The following KCNU1 variants were observed in gnomAD, a reference collection of about 807,000 sequenced individuals.
KCNU1 encodes the protein potassium channel subfamily U member 1.
A neutral mutation model predicts 126.8 loss-of-function variants in KCNU1; 93 were observed. The observed-to-expected ratio is 0.73, with a 90% CI of 0.62 to 0.87. The LOEUF is 0.87. Among genes scored for constraint, KCNU1 ranks in the 40% least tolerant of loss-of-function variants. KCNU1 has a pLI of 0.00. For missense variants in KCNU1, 1,330 were observed against 1,367.1 expected (o/e 0.97, Z 0.43); for synonymous variants, 523 against 494.2 (o/e 1.06, Z -0.77).
At chr8:36,856,923 T>G (rs1162577919) in intron 18 of KCNU1, among the ~76,000 whole-genome samples, 9 of 152,218 alleles carry the variant, frequency 5.9e-5, no homozygotes, top group African/African-American at 1.9e-4. Context: ...AAAATCACTG[T>G]TGTCAAAAAG....
chr8:36,791,737 T>A (rs1802910122), intron 2 of KCNU1, among the ~76,000 whole-genome samples: 4 of 152,152 alleles, frequency 2.6e-5, no homozygotes, highest in African/African-American at 9.7e-5. Context: ...CTCATTTTCC[T>A]AATGTAATGC....
At chr8:36,902,060 T>C (rs1807440754) in intron 19 of KCNU1, among the ~76,000 whole-genome samples, 1 of 152,182 alleles carries the variant, frequency 6.6e-6, no homozygotes, top group Non-Finnish European at 1.5e-5. Flanking sequence ...GCAAAGCATA[T>C]GGCAGAACGG....
At chr8:36,829,252 T>G (rs993296397) in intron 10 of KCNU1, among the ~76,000 whole-genome samples, 5 of 152,082 alleles carry the variant, frequency 3.3e-5, no homozygotes, top group Middle Eastern at 3.2e-3. Flanking sequence ...TATCTTCTGA[T>G]GCTTAAAAGT....
chr8:36,935,832 C>T lies in KCNU1; in HGVS notation c.3362C>T (p.Pro1121Leu), dbSNP rs775599941. The change falls in exon 27 of 27, where the codon CCT (proline) becomes CTT (leucine). Residue 1121 changes from proline (P) to leucine (L), a missense_variant. Transcript: ENST00000399881. ...RTNSIISSQI[P>L]LGDNAKENER... The stretch of plus-strand genomic sequence containing the variant: ...AACAGTATTATATCATCTCAGATAC[C>T]TTTAGGTGACAATGCAAAAGAAAAT... 7.5e-5 allele frequency: 121 copies of T among 1,611,932 alleles called. No homozygotes were observed. The highest frequency in any genetic ancestry group is 1.7e-4 in the Middle Eastern group (1 of 6,044).
chr8:36,908,154 C>T (rs1402923915), intron 20 of KCNU1, among the ~76,000 whole-genome samples: 1 of 152,138 alleles, frequency 6.6e-6, no homozygotes, highest in Non-Finnish European at 1.5e-5. Context: ...TAGCCATACT[C>T]TGAAAGAAAC....
chr8:36,902,170 T>A (rs1163411644), intron 19 of KCNU1, among the ~76,000 whole-genome samples: 1 of 152,120 alleles, frequency 6.6e-6, no homozygotes, highest in Non-Finnish European at 1.5e-5. Context: ...CCTCCAGCAT[T>A]TTTTAAATAT....
chr8:36,853,831 T>A (rs558301766), intron 18 of KCNU1, among the ~76,000 whole-genome samples: 2 of 152,290 alleles, frequency 1.3e-5, no homozygotes, highest in South Asian at 4.1e-4. Context: ...TTTCTTCCTG[T>A]GGATTTGAAT....
At chr8:36,802,108 CAAAAA>C (rs749026223) in intron 2 of KCNU1, among the ~76,000 whole-genome samples, 18 of 72,358 alleles carry the variant, frequency 2.5e-4, no homozygotes, top group African/African-American at 7.1e-4. Flanking sequence ...AACTCCGTCT[CAAAAA>C]AAAAAAAAAA....
chr8:36,802,869 T>C (rs1803362760), intron 2 of KCNU1, among the ~76,000 whole-genome samples: 1 of 152,176 alleles, frequency 6.6e-6, no homozygotes, highest in African/African-American at 2.4e-5. Context: ...TTTGTGTATA[T>C]TGATCACTGA....
At chr8:36,792,557 C>A (rs1765683577) in intron 2 of KCNU1, among the ~76,000 whole-genome samples, 1 of 152,194 alleles carries the variant, frequency 6.6e-6, no homozygotes, top group Non-Finnish European at 1.5e-5. Flanking sequence ...AAGCTGCGAA[C>A]TCCACATGCT....
intron 10 of KCNU1, among the ~76,000 whole-genome samples, chr8:36,830,961 A>G (rs1274801345): frequency 4.0e-5 from 5 of 125,598 alleles, no homozygotes; most frequent in Non-Finnish European, 7.9e-5. Context: ...TCCTGTGTCC[A>G]TGTGTTCTCA....
Position 36,836,843 on chromosome 8 carries a change from C to T in KCNU1, c.1416C>T (p.Ile472=), listed in dbSNP as rs367679030. ...PSWNWDTGDN[I]ICFAELKLGF... ...GGAACTGGGACACCGGAGACAACAT[C>T]ATCTGCTTTGCTGAATTAAAACTTG... Residue 472 remains isoleucine, a synonymous_variant, in exon 14 of 27, where the codon ATC becomes ATT. Coordinates refer to ENST00000399881, the MANE Select transcript of KCNU1 (RefSeq NM_001031836.3). The T allele has an allele frequency of 3.3e-5, 54 of 1,613,660 alleles. No individual in the cohort carries two copies. The highest frequency in any genetic ancestry group is 4.5e-5 in the Non-Finnish European group (53 of 1,179,730).
chr8:36,829,099 T>C (rs1221814280), intron 10 of KCNU1, among the ~76,000 whole-genome samples: 1 of 152,040 alleles, frequency 6.6e-6, no homozygotes, highest in East Asian at 1.9e-4. Flanking sequence ...TGCCTATTTA[T>C]TTTTTTACTT....
intron 18 of KCNU1, among the ~76,000 whole-genome samples, chr8:36,848,326 T>C (rs988770417): frequency 6.6e-6 from 1 of 152,226 alleles, no homozygotes; most frequent in Non-Finnish European, 1.5e-5. Context: ...TTGGTTTTGT[T>C]CCCTGTGCTT....
rs373849614 is a variant in KCNU1 at position 36,935,716 on chromosome 8, T to C, written c.3246T>C (p.Thr1082=). 6.2e-7 allele frequency: 1 copy of C among 1,612,944 alleles called. No individual in the cohort carries two copies. Among genetic ancestry groups the C allele is most frequent in the African/African-American group, 1.3e-5 (1 of 74,900 alleles). The change falls in exon 27 of 27, where the codon ACT becomes ACC. Residue 1082 remains threonine, a synonymous_variant. Transcript: ENST00000399881. ...GTCCTCCCACCATTGATTCAGTTAC[T>C]GAGACATTGTATTCACCAGTCTATT... ...TNCPPTIDSV[T]ETLYSPVYSY...
At chr8:36,850,266 T>C (rs907525351) in intron 18 of KCNU1, among the ~76,000 whole-genome samples, 5 of 152,216 alleles carry the variant, frequency 3.3e-5, no homozygotes, top group African/African-American at 1.2e-4. Context: ...GTTTTGCTTT[T>C]CATTTTTGTT....
At chr8:36,874,818 T>C (rs1585494215) in intron 19 of KCNU1, among the ~76,000 whole-genome samples, 1 of 152,124 alleles carries the variant, frequency 6.6e-6, no homozygotes, top group South Asian at 2.1e-4. Flanking sequence ...GGGAAAACCT[T>C]TCTTACCGAG....
intron 10 of KCNU1, among the ~76,000 whole-genome samples, chr8:36,831,488 T>C (rs1804544994): frequency 6.6e-6 from 1 of 152,208 alleles, no homozygotes; most frequent in Non-Finnish European, 1.5e-5. Flanking sequence ...GTGGTTTGGA[T>C]TTGCATTTCT....
chr8:36,821,413 C>T (rs767403790), intron 10 of KCNU1, among the ~76,000 whole-genome samples: 4 of 152,162 alleles, frequency 2.6e-5, no homozygotes, highest in Admixed American at 6.6e-5. Flanking sequence ...TTGGTGTCAT[C>T]ATGGTAAGCT....
Sources: gnomAD v4.1 joint callset for allele counts (sites outside exome capture counted in the v4.1 genomes callset) on GRCh38, gnomAD v4.1.1 for gene constraint, MANE v1.5 for transcripts, NCBI Gene and HGNC (gene_info 2026-07-23, HGNC 2026-07-21) for gene names.